The following ATG10 variants were observed in gnomAD, a reference collection of about 807,000 sequenced individuals.
The protein encoded by ATG10 is autophagy related 10, also known as ubiquitin-like-conjugating enzyme ATG10.
ATG10 carries 30 observed loss-of-function variants against 32.1 expected under a neutral mutation model. The ratio of observed to expected loss-of-function variants is 0.94; its 90% CI spans 0.70 to 1.27. The LOEUF is 1.27. Ranked by LOEUF, ATG10 falls within the 50% of genes most tolerant of loss-of-function variation. The pLI, the probability that ATG10 is intolerant of heterozygous loss-of-function variation, is 0.00. For synonymous variants in ATG10, 87 were observed against 91.5 expected (o/e 0.95, Z 0.28); for missense variants, 233 against 262.3 (o/e 0.89, Z 0.77).
intron 5 of ATG10, among the ~76,000 whole-genome samples, chr5:82,186,906 G>A (rs1035682577): frequency 1.3e-5 from 2 of 152,072 alleles, no homozygotes; most frequent in African/African-American, 4.8e-5. Context: ...TATCCATTCG[G>A]AAATGTTTAC....
intron 2 of ATG10, among the ~76,000 whole-genome samples, chr5:82,020,981 T>C (rs954790326): frequency 5.3e-5 from 8 of 152,298 alleles, no homozygotes; most frequent in African/African-American, 1.9e-4. Flanking sequence ...AGGTCCCTTA[T>C]AAACACCTTA....
intron 2 of ATG10, among the ~76,000 whole-genome samples, chr5:81,992,974 A>G (rs1761504447): frequency 6.6e-6 from 1 of 152,204 alleles, no homozygotes; most frequent in South Asian, 2.1e-4. Context: ...TCTAGGCAGG[A>G]TAATTCTTGT....
intron 1 of ATG10, among the ~76,000 whole-genome samples, chr5:81,983,830 G>A (rs1197968952): frequency 6.6e-6 from 1 of 151,626 alleles, no homozygotes; most frequent in African/African-American, 2.4e-5. Context: ...AGACGGGGTC[G>A]TGGCCAGGCA....
chr5:82,078,700 G>A (rs576681720), intron 3 of ATG10: 4 of 152,250 alleles, frequency 2.6e-5, no homozygotes, highest in Non-Finnish European at 4.4e-5. Context: ...TTCCAGCCTG[G>A]GTGACATAGT....
At chr5:82,248,040 A>T (rs1581847660) in intron 5 of ATG10, among the ~76,000 whole-genome samples, 1 of 152,224 alleles carries the variant, frequency 6.6e-6, no homozygotes, top group East Asian at 1.9e-4. Flanking sequence ...TTGCCAATGG[A>T]TGTGTACGTG....
intron 3 of ATG10, among the ~76,000 whole-genome samples, chr5:82,071,229 TC>T (rs1175546593): frequency 9.2e-5 from 14 of 152,072 alleles, no homozygotes; most frequent in African/African-American, 3.4e-4. Context: ...ATAGAGCTGA[TC>T]GTAGGGGATC....
chr5:82,063,138 G>A (rs1192536006), intron 3 of ATG10, among the ~76,000 whole-genome samples: 1 of 152,026 alleles, frequency 6.6e-6, no homozygotes, highest in Non-Finnish European at 1.5e-5. Context: ...GGACAGTATA[G>A]TGAGACTCCA....
intron 5 of ATG10, among the ~76,000 whole-genome samples, chr5:82,246,555 T>G (rs1162397576): frequency 6.6e-6 from 1 of 151,744 alleles, no homozygotes; most frequent in Non-Finnish European, 1.5e-5. Flanking sequence ...AAAAAAATTA[T>G]TTAAAAAATA....
At chr5:82,153,329 A>G (rs984124854) in intron 3 of ATG10, among the ~76,000 whole-genome samples, 1 of 152,146 alleles carries the variant, frequency 6.6e-6, no homozygotes, top group African/African-American at 2.4e-5. Context: ...AAGTGGGCAC[A>G]CATGTATAAG....
chr5:82,146,189 T>G (rs921455746), intron 3 of ATG10, among the ~76,000 whole-genome samples: 7 of 152,182 alleles, frequency 4.6e-5, no homozygotes, highest in African/African-American at 1.7e-4. Flanking sequence ...TTTATTTCAC[T>G]TAGATTCTTG....
intron 3 of ATG10, among the ~76,000 whole-genome samples, chr5:82,162,332 G>A (rs1030320329): frequency 2.6e-5 from 4 of 152,018 alleles, no homozygotes; most frequent in Admixed American, 6.6e-5. Context: ...GAATTAAAAC[G>A]ATAAGAAATT....
intron 3 of ATG10, among the ~76,000 whole-genome samples, chr5:82,086,063 G>C (rs991578797): frequency 6.6e-6 from 1 of 151,892 alleles, no homozygotes; most frequent in African/African-American, 2.4e-5. Context: ...TTCTTAACTG[G>C]GTCAATGATA....
intron 3 of ATG10, among the ~76,000 whole-genome samples, chr5:82,097,092 G>C (rs910814127): frequency 6.6e-6 from 1 of 151,908 alleles, no homozygotes; most frequent in Non-Finnish European, 1.5e-5. Context: ...AATATCTTTT[G>C]TTATATGTTT....
At chr5:82,183,155 T>TA (rs1349444698) in intron 5 of ATG10, among the ~76,000 whole-genome samples, 9 of 152,154 alleles carry the variant, frequency 5.9e-5, no homozygotes, top group Admixed American at 1.3e-4. Flanking sequence ...TTATCACAGA[T>TA]AAAATTATTA....
At chr5:82,014,452 G>T (rs1401673264) in intron 2 of ATG10, among the ~76,000 whole-genome samples, 1 of 152,108 alleles carries the variant, frequency 6.6e-6, no homozygotes, top group Non-Finnish European at 1.5e-5. Flanking sequence ...CATTATTATT[G>T]TGTGGGAGTC....
At chr5:82,011,431 C>T (rs1014288236) in intron 2 of ATG10, among the ~76,000 whole-genome samples, 1 of 152,166 alleles carries the variant, frequency 6.6e-6, no homozygotes, top group Non-Finnish European at 1.5e-5. Context: ...TGCCAACCTG[C>T]CTCTAAGCCT....
At chr5:82,032,486 G>A (rs1260539751) in intron 2 of ATG10, among the ~76,000 whole-genome samples, 1 of 151,730 alleles carries the variant, frequency 6.6e-6, no homozygotes, top group Non-Finnish European at 1.5e-5. Flanking sequence ...AACTTTTACT[G>A]TTCTTTTTCC....
intron 2 of ATG10, among the ~76,000 whole-genome samples, chr5:82,029,755 A>G (rs1163627301): frequency 1.3e-5 from 2 of 152,208 alleles, no homozygotes. Flanking sequence ...AACATTTTAT[A>G]TCTCACTCAT....
intron 3 of ATG10, among the ~76,000 whole-genome samples, chr5:82,152,685 A>G (rs370139282): frequency 5.3e-5 from 8 of 152,170 alleles, no homozygotes; most frequent in Non-Finnish European, 1.0e-4. Context: ...TGACCTTGAA[A>G]TATTTTTCCT....
Sources: gnomAD v4.1 joint callset for allele counts (sites outside exome capture counted in the v4.1 genomes callset) on GRCh38, gnomAD v4.1.1 for gene constraint, MANE v1.5 for transcripts, NCBI Gene and HGNC (gene_info 2026-07-23, HGNC 2026-07-21) for gene names.